Variants in PLXNA4 observed in about 807,000 individuals in gnomAD.
The protein encoded by PLXNA4 is plexin-A4.
A neutral mutation model predicts 191.8 loss-of-function variants in PLXNA4; 44 were observed. The ratio of observed to expected loss-of-function variants is 0.23; its 90% CI spans 0.18 to 0.29. The LOEUF (loss-of-function observed/expected upper bound fraction) is 0.29. PLXNA4 is among the 10% of genes least tolerant of loss of function. The probability of loss-of-function intolerance (pLI) is 1.00; values close to 1 mark genes in which losing one functional copy is unlikely to be tolerated. For synonymous variants in PLXNA4, 1,082 were observed against 1,009.5 expected (o/e 1.07, Z -1.36); for missense variants, 1,800 against 2,488.8 (o/e 0.72, Z 5.89).
At chr7:132,456,834 G>A (rs1400130195) in intron 3 of PLXNA4, among the ~76,000 whole-genome samples, 2 of 152,190 alleles carry the variant, frequency 1.3e-5, no homozygotes, top group African/African-American at 2.4e-5. Flanking sequence ...GATGGAACTG[G>A]TTCCTACATC....
chr7:132,455,052 A>G (rs1167704504), intron 3 of PLXNA4, among the ~76,000 whole-genome samples: 1 of 152,174 alleles, frequency 6.6e-6, no homozygotes, highest in African/African-American at 2.4e-5. Context: ...CTGTAGAAGT[A>G]CCACCCTGAC....
intron 6 of PLXNA4, 56 bp from the exon 7 acceptor site, chr7:132,227,660 G>GC: frequency 1.9e-6 from 3 of 1,604,322 alleles, no homozygotes; most frequent in Non-Finnish European, 2.6e-6. Context: ...GAAAAGGACA[G>GC]GTATGGAATA....
chr7:132,612,516 C>T (rs962735633), intron 2 of PLXNA4, among the ~76,000 whole-genome samples: 2 of 151,870 alleles, frequency 1.3e-5, no homozygotes, highest in African/African-American at 2.4e-5. Flanking sequence ...ATACAAAAAG[C>T]AGCTAGGCGT....
At chr7:132,236,889 C>T (rs1562984402) in intron 5 of PLXNA4, among the ~76,000 whole-genome samples, 1 of 152,160 alleles carries the variant, frequency 6.6e-6, no homozygotes, top group East Asian at 1.9e-4. Context: ...GCTGAGCCCA[C>T]TTCCTCATGT....
chr7:132,161,741 C>T (rs565564974), intron 24 of PLXNA4, among the ~76,000 whole-genome samples: 10 of 152,104 alleles, frequency 6.6e-5, no homozygotes, highest in Non-Finnish European at 1.5e-4. Flanking sequence ...GGCAGGCTCC[C>T]GGGCGGGCAC....
intron 10 of PLXNA4, among the ~76,000 whole-genome samples, chr7:132,208,838 G>T (rs1168040476): frequency 2.6e-5 from 4 of 152,190 alleles, no homozygotes; most frequent in Non-Finnish European, 4.4e-5. Flanking sequence ...ACACCATGAA[G>T]GAGGAGACAG....
intron 2 of PLXNA4, among the ~76,000 whole-genome samples, chr7:132,599,098 A>AT (rs957603767): frequency 5.9e-5 from 9 of 152,060 alleles, no homozygotes; most frequent in African/African-American, 2.2e-4. Flanking sequence ...TGTTCCATTG[A>AT]TTTTTTTGGC....
At chr7:132,526,663 C>T (rs865843207) in intron 1 of PLXNA4, among the ~76,000 whole-genome samples, 2 of 152,192 alleles carry the variant, frequency 1.3e-5, no homozygotes, top group African/African-American at 4.8e-5. Context: ...AATGACTCTT[C>T]TGTCCTGCCC....
At chr7:132,340,866 C>T (rs867324963) in intron 3 of PLXNA4, among the ~76,000 whole-genome samples, 20 of 152,054 alleles carry the variant, frequency 1.3e-4, no homozygotes, top group East Asian at 1.9e-4. Flanking sequence ...TTATTAGAGA[C>T]GGGGTTTCAC....
At chr7:132,443,427 C>A (rs925366276) in intron 3 of PLXNA4, among the ~76,000 whole-genome samples, 1 of 152,180 alleles carries the variant, frequency 6.6e-6, no homozygotes, top group Non-Finnish European at 1.5e-5. Context: ...TCTGCCGATA[C>A]TCTGTACAGT....
At chr7:132,256,084 G>A (rs1799422328) in intron 4 of PLXNA4, among the ~76,000 whole-genome samples, 1 of 152,230 alleles carries the variant, frequency 6.6e-6, no homozygotes. Flanking sequence ...GTGCCGGCAT[G>A]TTGGGACATG....
In PLXNA4 at chr7:132,198,529, G is replaced by T. The variant is rs201729335; in HGVS notation, c.2694C>A (p.Gly898=). 4.3e-6 allele frequency: 7 copies of T among 1,614,212 alleles called. No homozygotes were observed. The highest frequency in any genetic ancestry group is 1.1e-5 in the South Asian group (1 of 91,086). ...CATCCACTAAAGGGCTGCACTCCACGCCAGCAACCTTGACATGGGAGGCGA... is the reference window on the plus strand; with the variant it reads ...CATCCACTAAAGGGCTGCACTCCACTCCAGCAACCTTGACATGGGAGGCGA... ...RDIASHVKVA[G]VECSPLVDGY... is the part of the protein sequence containing the mutation. Residue 898 remains glycine, a synonymous_variant, in exon 13 of 32, where the codon GGC becomes GGA. Transcript: ENST00000321063.
intron 1 of PLXNA4, among the ~76,000 whole-genome samples, chr7:132,563,618 TC>T: frequency 1.6e-5 from 2 of 123,462 alleles, no homozygotes; most frequent in East Asian, 3.0e-4. Context: ...CTTCTCTTCC[TC>T]CTCCTTCTCT....
intron 3 of PLXNA4, among the ~76,000 whole-genome samples, chr7:132,334,577 T>G (rs547439791): frequency 2.0e-5 from 3 of 152,186 alleles, no homozygotes; most frequent in Admixed American, 6.5e-5. Context: ...TTTTTCTTAC[T>G]CTAGAGAGAG....
At chr7:132,521,199 A>G (rs924728873) in intron 1 of PLXNA4, among the ~76,000 whole-genome samples, 2 of 151,728 alleles carry the variant, frequency 1.3e-5, no homozygotes, top group Non-Finnish European at 2.9e-5. Flanking sequence ...AAAAAAAAAA[A>G]AAATTCAGAA....
At chr7:132,570,718 G>T (rs893826002) in intron 1 of PLXNA4, among the ~76,000 whole-genome samples, 3 of 152,188 alleles carry the variant, frequency 2.0e-5, no homozygotes, top group African/African-American at 7.2e-5. Flanking sequence ...TGTGTTCAGC[G>T]CATTGACTGC....
Position 132,431,216 on chromosome 7 carries a change from C to T in PLXNA4, c.1371+58076G>A, listed in dbSNP as rs546905716. ...TCAATAGAAATTTGCTAATCTTGGT[C>T]AAATTCTGTCCATTGGCCAGGAGTC... On this transcript the variant is annotated intron_variant, in intron 3 of 31. Transcript: ENST00000321063. Among the ~76,000 whole-genome samples, 487 of 152,282 alleles carry T rather than the reference C, an allele frequency of 3.2e-3. 2 individuals are homozygous for T. Among genetic ancestry groups the T allele is most frequent in the Non-Finnish European group, 5.0e-3 (343 of 68,014 alleles).
intron 22 of PLXNA4, among the ~76,000 whole-genome samples, chr7:132,166,790 C>A (rs1796136274): frequency 6.6e-6 from 1 of 151,684 alleles, no homozygotes; most frequent in South Asian, 2.1e-4. Flanking sequence ...GCAGTGGCAA[C>A]CCTAGAATTA....
At chr7:132,577,092 C>G (rs1266220815), upstream of PLXNA4, 1 of 146,400 alleles carries the variant, frequency 6.8e-6, no homozygotes, top group Non-Finnish European at 1.5e-5. Flanking sequence ...GGCTGCTCCC[C>G]GGGGAGGCGC....
Sources: gnomAD v4.1 joint callset for allele counts (sites outside exome capture counted in the v4.1 genomes callset) on GRCh38, gnomAD v4.1.1 for gene constraint, MANE v1.5 for transcripts, NCBI Gene and HGNC (gene_info 2026-07-23, HGNC 2026-07-21) for gene names.